GLT1D1: variants seen among roughly 807,000 people sequenced by gnomAD.
GLT1D1 encodes the protein glycosyltransferase 1 domain-containing protein 1.
In GLT1D1, 21 loss-of-function variants were observed where a neutral mutation model predicts 28.7. The ratio of observed to expected loss-of-function variants is 0.73; its 90% CI spans 0.52 to 1.05. The LOEUF (loss-of-function observed/expected upper bound fraction) is 1.05. Ranked by LOEUF, GLT1D1 falls within the 50% of genes least tolerant of loss-of-function variation. The pLI is 0.00. For missense variants in GLT1D1, 343 were observed against 330.6 expected (o/e 1.04, Z -0.29); for synonymous variants, 147 against 124.8 (o/e 1.18, Z -1.19).
chr12:128,949,755 C>G (rs759271275), intron 6 of GLT1D1, among the ~76,000 whole-genome samples: 2 of 152,126 alleles, frequency 1.3e-5, no homozygotes, highest in South Asian at 2.1e-4. Context: ...CACACACACA[C>G]GCACACACAC....
At chr12:128,945,199 AC>A (rs1456640401) in intron 4 of GLT1D1, 126 bp from the exon 9 acceptor site, 18 of 920,016 alleles carry the variant, frequency 2.0e-5, no homozygotes, top group Non-Finnish European at 3.0e-5. Flanking sequence ...CCGCGAGGAC[AC>A]CCCCGTGGCC....
intron 4 of GLT1D1, chr12:128,926,448 T>C: frequency 6.6e-7 from 1 of 1,507,344 alleles, no homozygotes; most frequent in Non-Finnish European, 8.9e-7. Flanking sequence ...GGTGGACGCA[T>C]TTTCAGGTGT....
chr12:128,869,236 G>T (rs1210977288), intron 1 of GLT1D1, among the ~76,000 whole-genome samples: 1 of 152,000 alleles, frequency 6.6e-6, no homozygotes. Context: ...GCACCGTCTT[G>T]ACTCACTGCA....
intron 4 of GLT1D1, among the ~76,000 whole-genome samples, chr12:128,906,290 A>G (rs1870861662): frequency 6.6e-6 from 1 of 152,200 alleles, no homozygotes; most frequent in Non-Finnish European, 1.5e-5. Context: ...TTCAGGATGC[A>G]AACTTGAGTA....
At chr12:128,966,117 C>T (rs552640444) in intron 7 of GLT1D1, among the ~76,000 whole-genome samples, 1 of 152,352 alleles carries the variant, frequency 6.6e-6, no homozygotes, top group Admixed American at 6.5e-5. Flanking sequence ...TTACGTTTCT[C>T]TTTCCCCCTG....
intron 6 of GLT1D1, 145 bp from the exon 11 acceptor site, chr12:128,957,400 G>C: frequency 1.7e-6 from 1 of 586,048 alleles, no homozygotes; most frequent in Non-Finnish European, 3.1e-6. Flanking sequence ...TTGAGATTGG[G>C]ATATCGTTTT....
chr12:128,958,106 G>C (rs1877483347), intron 7 of GLT1D1, among the ~76,000 whole-genome samples: 1 of 152,226 alleles, frequency 6.6e-6, no homozygotes, highest in African/African-American at 2.4e-5. Flanking sequence ...CCATGTACCT[G>C]TCCATCGGTC....
Position 128,964,935 on chromosome 12 carries a change from C to T in GLT1D1, c.639+7292C>T, listed in dbSNP as rs114816035. 2.3e-3 allele frequency among the ~76,000 whole-genome samples: 352 copies of T among 152,112 alleles called. 2 individuals carry two copies. Among genetic ancestry groups the T allele is most frequent in the African/African-American group, 7.9e-3 (328 of 41,496 alleles). Reference sequence around the variant, plus strand: ...TGTGCAATGCATTGGAAGAGTTAGGCGTAGTGCAGTGTGAAAGGTGTGAGG... The same window carrying T: ...TGTGCAATGCATTGGAAGAGTTAGGTGTAGTGCAGTGTGAAAGGTGTGAGG... On this transcript the variant is annotated intron_variant, in intron 7 of 7. Transcript: ENST00000281703.
chr12:128,957,312 C>G (rs1294562180), intron 6 of GLT1D1, among the ~76,000 whole-genome samples: 4 of 152,126 alleles, frequency 2.6e-5, no homozygotes, highest in Non-Finnish European at 5.9e-5. Context: ...GTCAGACAAA[C>G]GATTACAGCG....
intron 5 of GLT1D1, 143 bp from the exon 10 acceptor site, chr12:128,947,195 T>C (rs1565904744): frequency 1.2e-6 from 1 of 863,858 alleles, no homozygotes; most frequent in African/African-American, 1.7e-5. Context: ...CACCCCAGTA[T>C]AGTTCTCCTG....
At chr12:128,881,875 T>A (rs1038149762) in intron 2 of GLT1D1, among the ~76,000 whole-genome samples, 5 of 151,946 alleles carry the variant, frequency 3.3e-5, no homozygotes, top group African/African-American at 1.2e-4. Flanking sequence ...CATTGAATGT[T>A]CTTTTGCAGC....
Position 128,861,049 on chromosome 12 carries a change from G to A in GLT1D1, c.68+7400G>A, listed in dbSNP as rs528334260. Among the ~76,000 whole-genome samples the A allele has an allele frequency of 8.6e-5, 13 of 150,652 alleles. No individual in the cohort carries two copies. In the East Asian group the frequency reaches 1.2e-3, roughly 14 times the overall value. ...AGTGGATGTAAAAAATATTCACGCCGAGAGTAAGTTGTGGAGTTGTTTCAA... is the reference window on the plus strand; with the variant it reads ...AGTGGATGTAAAAAATATTCACGCCAAGAGTAAGTTGTGGAGTTGTTTCAA... On this transcript the variant is annotated intron_variant, in intron 1 of 7. Coordinates refer to ENST00000281703, the MANE Select transcript of GLT1D1 (RefSeq NM_144669.3).
intron 4 of GLT1D1, among the ~76,000 whole-genome samples, chr12:128,910,264 CTTTTTTT>C (rs11361008): frequency 2.9e-3 from 330 of 114,272 alleles, no homozygotes; most frequent in Middle Eastern, 0.018. Context: ...AAGTTTAACT[CTTTTTTT>C]TTTTTTTTTT....
intron 2 of GLT1D1, among the ~76,000 whole-genome samples, chr12:128,880,416 A>C (rs1957005516): frequency 6.6e-6 from 1 of 152,208 alleles, no homozygotes; most frequent in Non-Finnish European, 1.5e-5. Flanking sequence ...TTACTTGTTC[A>C]TTCCTAGTTG....
chr12:128,947,582 C>A, intron 6 of GLT1D1, 124 bp downstream of exon 10: 2 of 1,052,514 alleles, frequency 1.9e-6, no homozygotes, highest in Non-Finnish European at 2.9e-6. Context: ...AAAGGCCAAG[C>A]AGCATACCTG....
At chr12:128,970,315 G>A (rs1351996433) in intron 7 of GLT1D1, among the ~76,000 whole-genome samples, 1 of 152,132 alleles carries the variant, frequency 6.6e-6, no homozygotes, top group Non-Finnish European at 1.5e-5. Flanking sequence ...AGCCCGCCGC[G>A]CCCTCTCCCC....
chr12:128,975,928 C>T (rs1478480592), intron 7 of GLT1D1, among the ~76,000 whole-genome samples: 3 of 152,168 alleles, frequency 2.0e-5, no homozygotes, highest in Non-Finnish European at 4.4e-5. Context: ...TTTGCATGGT[C>T]CTGACTTTAC....
chr12:128,900,853 C>G (rs1206628655), intron 4 of GLT1D1, among the ~76,000 whole-genome samples: 2 of 152,096 alleles, frequency 1.3e-5, no homozygotes, highest in Non-Finnish European at 1.5e-5. Context: ...CCAGGCTGGT[C>G]TCAAATGCCT....
intron 7 of GLT1D1, 147 bp from the exon 12 acceptor site, chr12:128,982,782 C>T (rs1184900484): frequency 1.6e-6 from 1 of 641,868 alleles, no homozygotes; most frequent in African/African-American, 1.8e-5. Flanking sequence ...TGCATTAACT[C>T]CCATCCCTCC....
Sources: gnomAD v4.1 joint callset for allele counts (sites outside exome capture counted in the v4.1 genomes callset) on GRCh38, gnomAD v4.1.1 for gene constraint, MANE v1.5 for transcripts, NCBI Gene and HGNC (gene_info 2026-07-23, HGNC 2026-07-21) for gene names.